The following PRDM2 variants were observed in gnomAD, a reference collection of about 807,000 sequenced individuals.
The protein encoded by PRDM2 is PR/SET domain 2.
PRDM2 carries 30 observed loss-of-function variants against 130.0 expected under a neutral mutation model. That is an observed-to-expected ratio of 0.23 (90% confidence interval 0.17 to 0.31). PRDM2 has a LOEUF of 0.31. Among genes scored for constraint, PRDM2 ranks in the 10% least tolerant of loss-of-function variants. The pLI is 1.00. For synonymous variants in PRDM2, 871 were observed against 782.4 expected (o/e 1.11, Z -1.89); for missense variants, 2,011 against 2,108.4 (o/e 0.95, Z 0.90).
intron 6 of PRDM2, among the ~76,000 whole-genome samples, chr1:13,761,337 T>A (rs545387395): frequency 4.6e-5 from 7 of 151,880 alleles, no homozygotes; most frequent in African/African-American, 1.7e-4. Flanking sequence ...ATATGACAAA[T>A]TTTTTTTTAC....
chr1:13,788,665 G>A (rs1032797118), intron 8 of PRDM2, among the ~76,000 whole-genome samples: 2 of 152,168 alleles, frequency 1.3e-5, no homozygotes, highest in African/African-American at 4.8e-5. Context: ...AGAGAGGTTG[G>A]TGGGAATCTG....
chr1:13,742,694 A>C (rs2100510250), intron 5 of PRDM2, among the ~76,000 whole-genome samples: 1 of 152,348 alleles, frequency 6.6e-6, no homozygotes, highest in Non-Finnish European at 1.5e-5. Context: ...CTTGAAAGAT[A>C]CTGATGAGTT....
intron 6 of PRDM2, among the ~76,000 whole-genome samples, 186 bp downstream of exon 6, chr1:13,749,673 C>T (rs1397460420): frequency 6.6e-6 from 1 of 151,616 alleles, no homozygotes; most frequent in East Asian, 1.9e-4. Context: ...CCCTGCGGTC[C>T]CGCTCGGGCC....
At chr1:13,822,639 G>A (rs1192565220) in intron 9 of PRDM2, among the ~76,000 whole-genome samples, 7 of 151,880 alleles carry the variant, frequency 4.6e-5, no homozygotes, top group African/African-American at 7.3e-5. Context: ...TGATCTGCTC[G>A]CCTCGGCCTC....
rs78074386 is a variant in PRDM2 at position 13,751,424 on chromosome 1, T to C, written c.511+1937T>C. Among the ~76,000 whole-genome samples, 760 of 152,312 alleles carry C rather than the reference T, an allele frequency of 5.0e-3. 9 individuals are homozygous for C. Among genetic ancestry groups the C allele is most frequent in the African/African-American group, 0.017 (723 of 41,576 alleles). ...AGAGACCTATTTGCTCTTTAAGACT[T>C]AAACTTTGGAGAGTTTAAGTAATGA... On this transcript the variant is annotated intron_variant, in intron 6 of 9. Transcript: ENST00000311066.
chr1:13,750,391 TTTTTTTG>T (rs1557619262), intron 6 of PRDM2, among the ~76,000 whole-genome samples: 3 of 151,774 alleles, frequency 2.0e-5, no homozygotes, highest in African/African-American at 4.8e-5. Context: ...TGTTTTTTTG[TTTTTTTG>T]TTTTTTTTTT....
Position 13,773,069 on chromosome 1 carries a change from G to A in PRDM2, c.512-9G>A. 1 of 1,412,532 alleles carries A rather than the reference G, an allele frequency of 7.1e-7. No individual in the cohort carries two copies. The allele number at this position is 1,412,532 out of a possible 1,614,324, so 87.5% of individuals were successfully genotyped here. ...ATGAATGAATAAATTAAAAAAAATT[G>A]TGTTTCAGGGAAGAAAAAATCCCAG... On this transcript the variant is annotated splice_polypyrimidine_tract_variant and intron_variant, in intron 6 of 9. Transcript: ENST00000311066.
At chr1:13,725,836 G>C (rs1241447251) in intron 2 of PRDM2, among the ~76,000 whole-genome samples, 2 of 152,232 alleles carry the variant, frequency 1.3e-5, no homozygotes, top group Admixed American at 1.3e-4. Context: ...TCCACGGACT[G>C]TGAGGTATGA....
intron 2 of PRDM2, among the ~76,000 whole-genome samples, chr1:13,721,446 T>C (rs1642726779): frequency 6.6e-6 from 1 of 151,932 alleles, no homozygotes; most frequent in Non-Finnish European, 1.5e-5. Flanking sequence ...GAATCTGATT[T>C]TTTCACTTTA....
At chr1:13,775,223 C>T (rs1050852238) in intron 7 of PRDM2, among the ~76,000 whole-genome samples, 2 of 152,154 alleles carry the variant, frequency 1.3e-5, no homozygotes, top group Non-Finnish European at 2.9e-5. Context: ...GTGCAGACTT[C>T]GGTTTATGTT....
At chr1:13,763,111 A>T (rs1163176327) in intron 6 of PRDM2, among the ~76,000 whole-genome samples, 1 of 152,244 alleles carries the variant, frequency 6.6e-6, no homozygotes, top group African/African-American at 2.4e-5. Flanking sequence ...TTTTAAGAGA[A>T]GCAAAATAAA....
Position 13,796,649 on chromosome 1 carries a change from G to T in PRDM2, c.5036+13818G>T, listed in dbSNP as rs1244557359. 7.2e-5 allele frequency among the ~76,000 whole-genome samples: 11 copies of T among 152,308 alleles called. No individual in the cohort carries two copies. The East Asian group carries it at 1.9e-3, about 27-fold the overall frequency. On this transcript the variant is annotated intron_variant, in intron 8 of 9. Transcript: ENST00000311066. ...CACCTGTAGTCCCAGCTACTCAGGAGGCTGAGGTGGGAGGATTGTTTAAGC... is the reference window on the plus strand; with the variant it reads ...CACCTGTAGTCCCAGCTACTCAGGATGCTGAGGTGGGAGGATTGTTTAAGC...
chr1:13,756,696 A>G (rs1643962619), intron 6 of PRDM2, among the ~76,000 whole-genome samples: 1 of 152,216 alleles, frequency 6.6e-6, no homozygotes, highest in Non-Finnish European at 1.5e-5. Flanking sequence ...ATGTATTTTG[A>G]TGTGGACATA....
chr1:13,774,441 T>G (rs1004640322), intron 7 of PRDM2, among the ~76,000 whole-genome samples: 2 of 152,242 alleles, frequency 1.3e-5, no homozygotes, highest in African/African-American at 4.8e-5. Flanking sequence ...ATGATAACAT[T>G]CATAAAAGAT....
At chr1:13,703,866 A>G (rs1393133694) in intron 1 of PRDM2, among the ~76,000 whole-genome samples, 1 of 152,240 alleles carries the variant, frequency 6.6e-6, no homozygotes, top group Non-Finnish European at 1.5e-5. Context: ...GAAAACAACC[A>G]ATTTGAGGTT....
intron 8 of PRDM2, chr1:13,783,283 C>T (rs1644661747): frequency 2.5e-6 from 1 of 402,296 alleles, no homozygotes; most frequent in Non-Finnish European, 4.9e-6. Context: ...CAGCATAGAT[C>T]TAGTACCTGA....
At chr1:13,739,837 T>G (rs1643384920) in intron 4 of PRDM2, among the ~76,000 whole-genome samples, 1 of 152,170 alleles carries the variant, frequency 6.6e-6, no homozygotes, top group African/African-American at 2.4e-5. Flanking sequence ...TCAGAGGTGT[T>G]TGGGGGAATA....
intron 1 of PRDM2, among the ~76,000 whole-genome samples, chr1:13,714,892 T>G (rs578008599): frequency 6.6e-6 from 1 of 152,352 alleles, no homozygotes; most frequent in Non-Finnish European, 1.5e-5. Flanking sequence ...TTTCAGAGAT[T>G]ATTATTTAGA....
chr1:13,717,292 A>G (rs924219230), intron 2 of PRDM2: 26 of 296,404 alleles, frequency 8.8e-5, no homozygotes, highest in South Asian at 2.7e-4. Flanking sequence ...ACTCATATAT[A>G]TTTCATAGAT....
Sources: allele counts gnomAD v4.1 joint callset (sites outside exome capture counted in the v4.1 genomes callset), GRCh38; gene constraint gnomAD v4.1.1; transcripts MANE v1.5; gene names NCBI Gene and HGNC (gene_info 2026-07-23, HGNC 2026-07-21).